The following DOCK7 variants were observed in gnomAD, a reference collection of about 807,000 sequenced individuals.
DOCK7 encodes the protein dedicator of cytokinesis 7.
Under a neutral mutation model 271.0 loss-of-function variants are expected in DOCK7, and 138 were observed. The ratio of observed to expected loss-of-function variants is 0.51; its 90% CI spans 0.44 to 0.59. The LOEUF is 0.59. Among genes scored for constraint, DOCK7 ranks in the 20% least tolerant of loss-of-function variants. The pLI is 0.00. For synonymous variants in DOCK7, 823 were observed against 876.1 expected, an observed-to-expected ratio of 0.94 and a Z score of 1.07; for missense variants, 2,066 against 2,592.4, an observed-to-expected ratio of 0.80 and a Z score of 4.41.
chr1:62,474,662 T>C (rs1331614549), intron 47 of DOCK7, among the ~76,000 whole-genome samples: 2 of 152,220 alleles, frequency 1.3e-5, no homozygotes, highest in East Asian at 1.9e-4. Context: ...AGTTAAGACA[T>C]GGTACAGGAA....
chr1:62,601,168 GA>G (rs1200423936), intron 14 of DOCK7: 4 of 1,608,806 alleles, frequency 2.5e-6, no homozygotes, highest in Non-Finnish European at 3.4e-6. Flanking sequence ...TTCTTCAGTT[GA>G]ATGAAATAAG....
chr1:62,598,081 G>T, intron 14 of DOCK7: 1 of 1,555,650 alleles, frequency 6.4e-7, no homozygotes, highest in South Asian at 1.3e-5. Flanking sequence ...AAATAAAGAG[G>T]GTTCATGTTT....
intron 19 of DOCK7, among the ~76,000 whole-genome samples, chr1:62,560,198 T>C (rs1258913166): frequency 2.6e-5 from 4 of 152,180 alleles, no homozygotes; most frequent in African/African-American, 9.7e-5. Flanking sequence ...TAAGTCCTCC[T>C]AGCAAATCAC....
At chr1:62,674,842 A>AGTT (rs1302813329) in intron 1 of DOCK7, among the ~76,000 whole-genome samples, 3 of 152,206 alleles carry the variant, frequency 2.0e-5, no homozygotes, top group Non-Finnish European at 4.4e-5. Context: ...AACTAAAACT[A>AGTT]TCAAATTTTT....
At chr1:62,566,870 C>T (rs939652736) in intron 18 of DOCK7, among the ~76,000 whole-genome samples, 8 of 149,380 alleles carry the variant, frequency 5.4e-5, no homozygotes, top group Non-Finnish European at 9.0e-5. Flanking sequence ...ATAATCCCAT[C>T]AAAAAGTTGG....
At chr1:62,560,210 G>A (rs1646278093) in intron 19 of DOCK7, among the ~76,000 whole-genome samples, 1 of 152,108 alleles carries the variant, frequency 6.6e-6, no homozygotes, top group South Asian at 2.1e-4. Context: ...GCAAATCACT[G>A]AACCTGAGAT....
chr1:62,593,585 G>T (rs1399073987), intron 14 of DOCK7, among the ~76,000 whole-genome samples: 6 of 151,816 alleles, frequency 4.0e-5, no homozygotes, highest in Admixed American at 3.9e-4. Context: ...AATAAATAAA[G>T]AAAAAATCTT....
At chr1:62,633,469 T>C in intron 10 of DOCK7, 29 bp downstream of exon 10, 1 of 1,511,382 alleles carries the variant, frequency 6.6e-7, no homozygotes, top group Non-Finnish European at 9.2e-7. Context: ...AGTAATAATG[T>C]GGCGGAAATG....
At position 62,688,242 on chromosome 1, in the gene DOCK7, G is replaced by T; in HGVS notation, c.23C>A (p.Ala8Asp). The T allele has an allele frequency of 7.3e-7, 1 of 1,374,774 alleles. No homozygotes were observed. The allele number at this position is 1,374,774 out of a possible 1,614,324, so 85.2% of individuals were successfully genotyped here. Residue 8 changes from alanine to aspartate, a missense_variant, in exon 1 of 50, where the codon GCC becomes GAC. Around this residue, in one of 2 missense-constraint regions of DOCK7, gnomAD observed 1,414 missense variants for 1,670.4 expected, o/e 0.85. Coordinates refer to ENST00000635253, the MANE Select transcript of DOCK7 (RefSeq NM_001367561.1). MAERRAF[A>D]QKISRTVAAE... The stretch of plus-strand genomic sequence containing the variant: ...GGATATTTACCTGCTGATCTTCTGG[G>T]CGAAGGCGCGGCGCTCGGCCATGGC...
chr1:62,489,324 C>T (rs1031700715), intron 41 of DOCK7, among the ~76,000 whole-genome samples: 1 of 152,052 alleles, frequency 6.6e-6, no homozygotes, highest in African/African-American at 2.4e-5. Flanking sequence ...TGGCGGGTGC[C>T]TGTAGTCCCA....
chr1:62,604,438 T>C, intron 14 of DOCK7: 1 of 885,914 alleles, frequency 1.1e-6, no homozygotes, highest in Non-Finnish European at 1.7e-6. Flanking sequence ...TCAGATTTTC[T>C]ATTTTTTGGT....
intron 29 of DOCK7, among the ~76,000 whole-genome samples, chr1:62,533,884 A>C (rs1303138005): frequency 6.6e-6 from 1 of 152,168 alleles, no homozygotes; most frequent in Non-Finnish European, 1.5e-5. Flanking sequence ...ACTGCATTAT[A>C]AACTTGGATT....
At chr1:62,509,360 A>G (rs1644414859) in intron 34 of DOCK7, among the ~76,000 whole-genome samples, 1 of 151,964 alleles carries the variant, frequency 6.6e-6, no homozygotes, top group African/African-American at 2.4e-5. Flanking sequence ...AAACTGGAAA[A>G]TAAAATATTT....
At chr1:62,578,716 T>TTAAA (rs1647014285) in intron 17 of DOCK7, 112 bp downstream of exon 17, 1 of 396,592 alleles carries the variant, frequency 2.5e-6, no homozygotes. Flanking sequence ...AGACTCTGTC[T>TTAAA]CAAAAAAAAA....
intron 1 of DOCK7, among the ~76,000 whole-genome samples, chr1:62,665,533 G>A (rs1659199081): frequency 6.6e-6 from 1 of 151,134 alleles, no homozygotes; most frequent in Non-Finnish European, 1.5e-5. Flanking sequence ...GTGAAACCCC[G>A]CCTCTACTAA....
At chr1:62,570,009 C>T (rs1475661873) in intron 18 of DOCK7, among the ~76,000 whole-genome samples, 3 of 152,128 alleles carry the variant, frequency 2.0e-5, no homozygotes, top group Non-Finnish European at 4.4e-5. Flanking sequence ...CCACTGCGTC[C>T]AGCCACCACT....
At chr1:62,523,686 G>C (rs995565370) in intron 31 of DOCK7, among the ~76,000 whole-genome samples, 43 of 152,212 alleles carry the variant, frequency 2.8e-4, no homozygotes, top group African/African-American at 9.4e-4. Flanking sequence ...GACTAACATG[G>C]TGAAACCCCA....
At chr1:62,563,349 T>A (rs1249597776) in intron 18 of DOCK7, among the ~76,000 whole-genome samples, 2 of 152,072 alleles carry the variant, frequency 1.3e-5, no homozygotes, top group African/African-American at 4.8e-5. Flanking sequence ...AAATTATTCA[T>A]CATATCAACT....
chr1:62,557,813 T>C (rs1202862865), intron 20 of DOCK7, among the ~76,000 whole-genome samples: 5 of 151,932 alleles, frequency 3.3e-5, no homozygotes, highest in African/African-American at 9.7e-5. Context: ...TCTTCTATAA[T>C]TTCTGTAACT....
Sources: allele counts gnomAD v4.1 joint callset (sites outside exome capture counted in the v4.1 genomes callset), GRCh38; gene constraint gnomAD v4.1.1; regional missense constraint gnomAD v4.1.1; transcripts MANE v1.5; gene names NCBI Gene and HGNC (gene_info 2026-07-23, HGNC 2026-07-21).